FGD5: variants seen among roughly 807,000 people sequenced by gnomAD.
The protein encoded by FGD5 is FYVE, RhoGEF and PH domain-containing protein 5.
A neutral mutation model predicts 133.4 loss-of-function variants in FGD5; 28 were observed. That is an observed-to-expected ratio of 0.21 (90% confidence interval 0.16 to 0.29). The LOEUF is 0.29. Ranked by LOEUF, FGD5 falls within the 10% of genes least tolerant of loss-of-function variation. The probability of loss-of-function intolerance (pLI) is 1.00; values close to 1 mark genes in which losing one functional copy is unlikely to be tolerated. For synonymous variants in FGD5, 810 were observed against 776.5 expected, an observed-to-expected ratio of 1.04 and a Z score of -0.72; for missense variants, 1,858 against 1,895.2, an observed-to-expected ratio of 0.98 and a Z score of 0.36.
chr3:14,865,505 C>G (rs867529153), intron 2 of FGD5, among the ~76,000 whole-genome samples: 1 of 152,244 alleles, frequency 6.6e-6, no homozygotes, highest in Middle Eastern at 3.4e-3. Flanking sequence ...CCCCCTCAGT[C>G]CCTTCTCTCT....
intron 4 of FGD5, among the ~76,000 whole-genome samples, chr3:14,893,495 C>T (rs934201116): frequency 3.9e-5 from 6 of 152,014 alleles, no homozygotes; most frequent in Non-Finnish European, 5.9e-5. Context: ...CACAGTGATG[C>T]GCCAACAAGC....
chr3:14,820,207 AGCTGGGGCT>A lies in FGD5; in HGVS notation c.1139_1147del (p.Leu380_Leu382del). Reference sequence around the variant, plus strand: ...GGTTTAGAATCAGAGCAGGCACCAAAGCTGGGGCTGCGTGCGGAGGAGAACCCCATGGTG... The same window carrying A: ...GGTTTAGAATCAGAGCAGGCACCAAAGCGTGCGGAGGAGAACCCCATGGTG... On this transcript the variant is annotated inframe_deletion, in exon 1 of 20. Coordinates refer to ENST00000285046, the MANE Select transcript of FGD5 (RefSeq NM_152536.4). The A allele has an allele frequency of 6.2e-7, 1 of 1,611,892 alleles. No individual in the cohort carries two copies. The highest frequency in any genetic ancestry group is 8.5e-7 in the Non-Finnish European group (1 of 1,178,444).
chr3:14,812,720 T>TTC (rs1183455026), intron 1 of FGD5, among the ~76,000 whole-genome samples: 2 of 152,226 alleles, frequency 1.3e-5, no homozygotes, highest in African/African-American at 4.8e-5. Context: ...ATATGCTTAG[T>TTC]TATGTGACCT....
chr3:14,870,520 CT>C (rs1559487363), intron 2 of FGD5, among the ~76,000 whole-genome samples: 1 of 152,228 alleles, frequency 6.6e-6, no homozygotes. Context: ...ATCCTCTTCC[CT>C]GGGCTTGCCT....
Position 14,831,219 on chromosome 3 carries a change from G to A in FGD5, c.2525+9623G>A, listed in dbSNP as rs57775159. Among the ~76,000 whole-genome samples, 229 of 152,318 alleles carry A rather than the reference G, an allele frequency of 1.5e-3. 1 individual carries two copies. Among genetic ancestry groups the A allele is most frequent in the African/African-American group, 5.3e-3 (222 of 41,576 alleles). On this transcript the variant is annotated intron_variant, in intron 1 of 19. Coordinates refer to ENST00000285046, the MANE Select transcript of FGD5 (RefSeq NM_152536.4). ...AGTGCAGAAGGCGATGGGAAGTCGG[G>A]TAGGCAGGGACCTTGTGAAAGATTT...
rs772382149 is a variant in FGD5, at chr3:14,921,910, G to A, written c.3570-8G>A. 2.6e-6 allele frequency: 4 copies of A among 1,559,350 alleles called. No homozygotes were observed. Among genetic ancestry groups the A allele is most frequent in the Non-Finnish European group, 2.6e-6 (3 of 1,151,430 alleles). On this transcript the variant is annotated splice_region_variant and splice_polypyrimidine_tract_variant and intron_variant, in intron 13 of 19. Transcript: ENST00000285046. ...CCTGCCTTTGCTCACTCCAGCCCAT[G>A]CCCGCAGCTCCTGTGCAGAGAGGGA...
At chr3:14,856,163 T>C (rs1320062210) in intron 1 of FGD5, among the ~76,000 whole-genome samples, 1 of 152,174 alleles carries the variant, frequency 6.6e-6, no homozygotes, top group African/African-American at 2.4e-5. Context: ...GGCACTTTTG[T>C]CAAAACATTA....
chr3:14,923,182 T>G lies in FGD5; in HGVS notation c.3937+7T>G. The G allele has an allele frequency of 6.2e-7, 1 of 1,610,184 alleles. No homozygotes were observed. The highest frequency in any genetic ancestry group is 1.1e-5 in the South Asian group (1 of 90,666). On this transcript the variant is annotated splice_region_variant and intron_variant, in intron 16 of 19. Coordinates refer to ENST00000285046, the MANE Select transcript of FGD5 (RefSeq NM_152536.4). ...GTCCCGGGCCTGATGAGAGGTAACCTGGGGACCACTTGCCTTCTTCCAAGT... is the reference window on the plus strand; with the variant it reads ...GTCCCGGGCCTGATGAGAGGTAACCGGGGGACCACTTGCCTTCTTCCAAGT...
chr3:14,876,487 A>G lies in FGD5; in HGVS notation c.2659-4085A>G, dbSNP rs574956580. 4.1e-4 allele frequency among the ~76,000 whole-genome samples: 63 copies of G among 152,342 alleles called. 1 individual carries two copies. The highest frequency in any genetic ancestry group is 6.8e-3 in the Middle Eastern group (2 of 294). On this transcript the variant is annotated intron_variant, in intron 2 of 19. Transcript: ENST00000285046. Reference sequence around the variant, plus strand: ...TAATGCATTTTAAAATAACAAACCCATTACATGTTAATACAAGTAGCACTT... The same window carrying G: ...TAATGCATTTTAAAATAACAAACCCGTTACATGTTAATACAAGTAGCACTT...
chr3:14,932,424 A>AGC, intron 18 of FGD5, 153 bp from the exon 19 acceptor site: 1 of 787,774 alleles, frequency 1.3e-6, no homozygotes. Flanking sequence ...TCTGGGGGGA[A>AGC]GCGAGGGTCA....
intron 12 of FGD5, among the ~76,000 whole-genome samples, chr3:14,918,264 G>A (rs73031905): frequency 1.1e-4 from 16 of 152,356 alleles, no homozygotes; most frequent in Admixed American, 4.6e-4. Context: ...CAGTGGAGCC[G>A]CAGGCGGTTG....
rs1192585371 is a variant in FGD5 at position 14,917,270 on chromosome 3, A to G, written c.3427A>G (p.Thr1143Ala). The stretch of plus-strand genomic sequence containing the variant: ...CCAGATGAACGATGTGCTCCTGTAC[A>G]CCTATCCCCAGAAGGATGGGAAGTA... The part of the protein sequence containing the change: ...LFLMNDVLLY[T>A]YPQKDGKYRL... Residue 1143 changes from threonine (T) to alanine (A), a missense_variant, in exon 12 of 20, where the codon ACC becomes GCC. Coordinates refer to ENST00000285046, the MANE Select transcript of FGD5 (RefSeq NM_152536.4). This position sits in a 1 kb window ranked among gnomAD's most constrained non-coding sequence, Gnocchi z 4.1. 4.3e-6 allele frequency: 7 copies of G among 1,613,644 alleles called. No individual in the cohort carries two copies. Among genetic ancestry groups the G allele is most frequent in the African/African-American group, 1.3e-5 (1 of 75,000 alleles).
Position 14,918,795 on chromosome 3 carries a change from G to C in FGD5, c.3531G>C (p.Lys1177Asn). 6 of 1,614,010 alleles carry C rather than the reference G, an allele frequency of 3.7e-6. No homozygotes were observed. Among genetic ancestry groups the C allele is most frequent in the Non-Finnish European group, 5.1e-6 (6 of 1,179,896 alleles). The change falls in exon 13 of 20, where the codon AAG becomes AAC. Residue 1177 changes from lysine to asparagine, a missense_variant. Around this residue, in one of 3 missense-constraint regions of FGD5, gnomAD observed 1,824 missense variants for 1,848.9 expected, o/e 0.99. Transcript: ENST00000285046. ...PVMEKVPYAL[K>N]IETSESCLML... ...TGGAGAAAGTGCCCTACGCTCTAAA[G>C]ATTGAGACTTCCGAGTCCTGCCTGA...
chr3:14,904,857 G>A (rs1390358654), intron 9 of FGD5, among the ~76,000 whole-genome samples: 2 of 152,016 alleles, frequency 1.3e-5, no homozygotes, highest in African/African-American at 2.4e-5. Flanking sequence ...TGTAGAGATC[G>A]AGGTCCCACT....
intron 4 of FGD5, among the ~76,000 whole-genome samples, chr3:14,884,427 C>A (rs1308112007): frequency 6.6e-6 from 1 of 152,218 alleles, no homozygotes; most frequent in Non-Finnish European, 1.5e-5. Context: ...CCGTTTACTT[C>A]ATCACTGCCT....
At chr3:14,880,915 G>A (rs2125118013) in intron 4 of FGD5, 143 bp downstream of exon 4, 2 of 1,081,508 alleles carry the variant, frequency 1.8e-6, no homozygotes, top group Non-Finnish European at 1.4e-6. Flanking sequence ...ACGCTTTTCA[G>A]GGAAGTCCGT....
chr3:14,877,663 G>T (rs1018922565), intron 2 of FGD5, among the ~76,000 whole-genome samples: 3 of 152,324 alleles, frequency 2.0e-5, no homozygotes, highest in African/African-American at 7.2e-5. Context: ...TTGTGGCCAC[G>T]TTCTGAGGAT....
intron 1 of FGD5, among the ~76,000 whole-genome samples, chr3:14,840,031 A>C (rs1045995888): frequency 2.6e-5 from 4 of 152,142 alleles, no homozygotes; most frequent in Non-Finnish European, 5.9e-5. Context: ...CAAATCTCAC[A>C]TTCTCACATC....
At chr3:14,847,591 A>G (rs955698593) in intron 1 of FGD5, among the ~76,000 whole-genome samples, 1 of 152,176 alleles carries the variant, frequency 6.6e-6, no homozygotes, top group Non-Finnish European at 1.5e-5. Flanking sequence ...ACTTCACTAA[A>G]TCCTCACAGC....
Sources: allele counts gnomAD v4.1 joint callset (sites outside exome capture counted in the v4.1 genomes callset), GRCh38; gene constraint gnomAD v4.1.1; regional missense constraint gnomAD v4.1.1; non-coding constraint Gnocchi (gnomAD v3.1); transcripts MANE v1.5; gene names NCBI Gene and HGNC (gene_info 2026-07-23, HGNC 2026-07-21).